Variants in PNPLA3 observed in about 807,000 individuals in gnomAD.
PNPLA3 encodes the protein patatin like domain 3, 1-acylglycerol-3-phosphate O-acyltransferase.
A neutral mutation model predicts 43.1 loss-of-function variants in PNPLA3; 42 were observed. The observed-to-expected ratio is 0.97, with a 90% CI of 0.76 to 1.26. The LOEUF is 1.26. Among genes scored for constraint, PNPLA3 ranks in the 50% most tolerant of loss-of-function variants. The pLI is 0.00. For missense variants in PNPLA3, 647 were observed against 621.4 expected, an observed-to-expected ratio of 1.04 and a Z score of -0.44; for synonymous variants, 272 against 253.6, an observed-to-expected ratio of 1.07 and a Z score of -0.69.
chr22:43,938,111 A>G (rs1603416879), intron 6 of PNPLA3, among the ~76,000 whole-genome samples: 1 of 152,240 alleles, frequency 6.6e-6, no homozygotes, highest in Admixed American at 6.5e-5. Flanking sequence ...TTGATCTGGG[A>G]CCTTGCAGCC....
In PNPLA3 at chr22:43,923,855, C is replaced by A; in HGVS notation, c.-57C>A. 1 of 1,418,678 alleles carries A rather than the reference C, an allele frequency of 7.0e-7. No individual in the cohort carries two copies. Among genetic ancestry groups the A allele is most frequent in the East Asian group, 2.9e-5 (1 of 34,814 alleles). The allele number at this position is 1,418,678 out of a possible 1,614,324, so 87.9% of individuals were successfully genotyped here. A position where few individuals can be genotyped will look rare whatever the true frequency, so the allele number is the denominator to read the frequency against. ...GAGCTGCTGCGGATCAGGACCCGAG[C>A]CGATTCCCGATCCCGACCCAGATCC... On this transcript the variant is annotated 5_prime_UTR_variant, in exon 1 of 9. Transcript: ENST00000216180.
intron 8 of PNPLA3, 120 bp from the exon 9 acceptor site, chr22:43,946,034 C>A: frequency 1.1e-6 from 1 of 891,218 alleles, no homozygotes; most frequent in Middle Eastern, 2.7e-4. Flanking sequence ...CTGGCTGTGA[C>A]GGCACCCTAG....
chr22:43,944,633 T>C, intron 7 of PNPLA3, 58 bp from the exon 8 acceptor site: 4 of 1,391,714 alleles, frequency 2.9e-6, no homozygotes, highest in Non-Finnish European at 4.1e-6. Context: ...AAGGGTAGTG[T>C]TGTAAGCTGT....
chr22:43,943,341 A>G (rs1370600368), intron 7 of PNPLA3, among the ~76,000 whole-genome samples: 1 of 152,070 alleles, frequency 6.6e-6, no homozygotes, highest in Non-Finnish European at 1.5e-5. Flanking sequence ...TCAGGGAGAA[A>G]AGGGTAGGTG....
At position 43,940,125 on chromosome 22, in the gene PNPLA3, G is replaced by T; in HGVS notation, c.1112G>T (p.Arg371Ile). 6.2e-7 allele frequency: 1 copy of T among 1,613,988 alleles called. No individual in the cohort carries two copies. Among genetic ancestry groups the T allele is most frequent in the Middle Eastern group, 1.6e-4 (1 of 6,062 alleles). ...GAATCTGCCATTGCGATTGTCCAGA[G>T]GTGAGCATTTTAGGTGGCTCCGTGT... is the stretch of plus-strand genomic sequence containing the variant. ...PVESAIAIVQRLVTWLPDMPD... is the reference protein window; with the variant it reads ...PVESAIAIVQILVTWLPDMPD... Residue 371 changes from arginine (R) to isoleucine (I), a missense_variant and splice_region_variant, in exon 7 of 9, where the codon AGA (arginine) becomes ATA (isoleucine). By Grantham distance (97) the Arg-to-Ile change is moderately conservative. Transcript: ENST00000216180.
intron 5 of PNPLA3, among the ~76,000 whole-genome samples, chr22:43,935,226 T>C (rs1221352319): frequency 6.6e-6 from 1 of 152,164 alleles, no homozygotes; most frequent in Non-Finnish European, 1.5e-5. Context: ...GGAGCTATTT[T>C]TCTTTAATAC....
chr22:43,926,393 T>C lies in PNPLA3; in HGVS notation c.188-542T>C, dbSNP rs368174030. 2.8e-4 allele frequency among the ~76,000 whole-genome samples: 42 copies of C among 152,296 alleles called. No homozygotes were observed. In the East Asian group the frequency reaches 6.0e-3, roughly 22 times the overall value. On this transcript the variant is annotated intron_variant, in intron 1 of 8. Transcript: ENST00000216180. ...GGCCAGTAAGTGAGGTCAGATCTCCTGCACCTGATAGCATTAAGGCCATCT... is the reference window on the plus strand; with the variant it reads ...GGCCAGTAAGTGAGGTCAGATCTCCCGCACCTGATAGCATTAAGGCCATCT...
rs533730254 is a variant in PNPLA3 at position 43,947,397 on chromosome 22, G to A, written c.*1015G>A. Reference sequence around the variant, plus strand: ...TTTAAAAAACAAAATAATCTAGTGTGCAGGGCATTCACCTCAGCCCCCCAG... The same window carrying A: ...TTTAAAAAACAAAATAATCTAGTGTACAGGGCATTCACCTCAGCCCCCCAG... On this transcript the variant is annotated 3_prime_UTR_variant, in exon 9 of 9. Coordinates refer to ENST00000216180, the MANE Select transcript of PNPLA3 (RefSeq NM_025225.3). 1.9e-5 allele frequency: 3 copies of A among 155,000 alleles called. No individual in the cohort carries two copies. The highest frequency in any genetic ancestry group is 7.3e-5 in the African/African-American group (3 of 41,346). The allele number at this position is 155,000 out of a possible 1,614,324, so 9.6% of individuals were successfully genotyped here.
intron 6 of PNPLA3, among the ~76,000 whole-genome samples, chr22:43,938,359 A>T (rs2050009677): frequency 6.6e-6 from 1 of 152,192 alleles, no homozygotes; most frequent in African/African-American, 2.4e-5. Context: ...CATTGCTATA[A>T]AGAAATACCT....
At position 43,926,940 on chromosome 22, in the gene PNPLA3, ACT is replaced by A; in HGVS notation, c.196_197del (p.Leu66AlafsTer57). 6.2e-7 allele frequency: 1 copy of A among 1,613,940 alleles called. No individual in the cohort carries two copies. ...TATTTGTCTCCTGTCCCCAGAGCAG[ACT>A]CTGCAGGTCCTCTCAGATCTTGTGC... is the stretch of plus-strand genomic sequence containing the variant. ...GVLSGIPLEQTLQVLSDLVRK... is the reference protein window; with the variant it reads ...GVLSGIPLEQXLQVLSDLVRK... On this transcript the variant is annotated frameshift_variant, in exon 2 of 9. Coordinates refer to ENST00000216180, the MANE Select transcript of PNPLA3 (RefSeq NM_025225.3). LOFTEE classifies it high-confidence loss of function.
intron 7 of PNPLA3, among the ~76,000 whole-genome samples, chr22:43,942,740 G>T (rs1478170012): frequency 1.5e-5 from 2 of 130,982 alleles, no homozygotes; most frequent in Non-Finnish European, 3.1e-5. Context: ...TCTTACTCTG[G>T]TGCCCAGGCT....
chr22:43,938,410 A>G (rs1051066074), intron 6 of PNPLA3, among the ~76,000 whole-genome samples: 1 of 152,220 alleles, frequency 6.6e-6, no homozygotes, highest in African/African-American at 2.4e-5. Context: ...GAATTGGCTC[A>G]CAGTTGCACA....
intron 5 of PNPLA3, 41 bp from the exon 6 acceptor site, chr22:43,937,010 C>CT (rs1410563274): frequency 7.7e-6 from 12 of 1,559,638 alleles, no homozygotes; most frequent in Non-Finnish European, 1.1e-5. Flanking sequence ...ACCACCACTC[C>CT]CACGTTCGCC....
intron 4 of PNPLA3, among the ~76,000 whole-genome samples, chr22:43,934,086 G>A (rs2049978730): frequency 6.6e-6 from 1 of 152,100 alleles, no homozygotes; most frequent in South Asian, 2.1e-4. Flanking sequence ...GGAGGCTGAG[G>A]CAGGTGGATC....
chr22:43,938,674 C>G (rs1290810066), intron 6 of PNPLA3, among the ~76,000 whole-genome samples: 2 of 152,248 alleles, frequency 1.3e-5, no homozygotes, highest in Admixed American at 1.3e-4. Flanking sequence ...CCATCAGGCT[C>G]CGCCTCCAAC....
Position 43,946,740 on chromosome 22 carries a change from G to A in PNPLA3, c.*358G>A. ...TGGATGGGTGGGGGCCTTGTGATGG[G>A]GGGTAGGCTGGCCCATGTGTGATCT... On this transcript the variant is annotated 3_prime_UTR_variant, in exon 9 of 9. Coordinates refer to ENST00000216180, the MANE Select transcript of PNPLA3 (RefSeq NM_025225.3). The A allele has an allele frequency of 1.9e-6, 1 of 533,622 alleles. No homozygotes were observed. The highest frequency in any genetic ancestry group is 3.7e-6 in the Non-Finnish European group (1 of 270,310). The allele number at this position is 533,622 out of a possible 1,614,324, so 33.1% of individuals were successfully genotyped here.
At chr22:43,931,288 A>G (rs1243879965) in intron 3 of PNPLA3, among the ~76,000 whole-genome samples, 1 of 152,226 alleles carries the variant, frequency 6.6e-6, no homozygotes, top group Non-Finnish European at 1.5e-5. Flanking sequence ...AAGCAAATTC[A>G]AAGCATTACT....
At chr22:43,943,879 C>A (rs2050046454) in intron 7 of PNPLA3, among the ~76,000 whole-genome samples, 1 of 152,134 alleles carries the variant, frequency 6.6e-6, no homozygotes, top group Non-Finnish European at 1.5e-5. Context: ...ACCTCCACCT[C>A]CTGGGCTCAA....
rs762674387 is a variant in PNPLA3, at chr22:43,946,147, G to T, written c.1218-7G>T. On this transcript the variant is annotated splice_polypyrimidine_tract_variant and splice_region_variant and intron_variant, in intron 8 of 8. Transcript: ENST00000216180. ...GCCTCTAAGCCAACTTCCTCCATGT[G>T]TTTCAGGTCCCAAATGCCAGTGAGC... 7 of 1,611,642 alleles carry T rather than the reference G, an allele frequency of 4.3e-6. No individual in the cohort carries two copies. The African/African-American group carries it at 9.4e-5, about 22-fold the overall frequency.
Sources: gnomAD v4.1 joint callset for allele counts (sites outside exome capture counted in the v4.1 genomes callset) on GRCh38, gnomAD v4.1.1 for gene constraint, MANE v1.5 for transcripts, NCBI Gene and HGNC (gene_info 2026-07-23, HGNC 2026-07-21) for gene names.